CSMD1: variants seen among roughly 807,000 people sequenced by gnomAD.
The protein encoded by CSMD1 is CUB and Sushi multiple domains 1.
A neutral mutation model predicts 417.5 loss-of-function variants in CSMD1; 213 were observed. The observed-to-expected ratio is 0.51, with a 90% CI of 0.46 to 0.57. The LOEUF is 0.57. Among genes scored for constraint, CSMD1 ranks in the 20% least tolerant of loss-of-function variants. The pLI is 0.00. For missense variants in CSMD1, 6,923 were observed against 4,529.7 expected, an observed-to-expected ratio of 1.53 and a Z score of -15.17; for synonymous variants, 2,862 against 1,736.8, an observed-to-expected ratio of 1.65 and a Z score of -16.11.
chr8:4,009,213 G>A (rs1362037157), intron 4 of CSMD1, among the ~76,000 whole-genome samples: 1 of 152,156 alleles, frequency 6.6e-6, no homozygotes, highest in Non-Finnish European at 1.5e-5. Flanking sequence ...CTAAATGTAA[G>A]TGCAAATCAG....
rs896814495 is a variant in CSMD1, at chr8:4,563,774, C to A, written c.302+73568G>T. ...ACATGACTAGACCATCGGTGCAAGC[C>A]CTGTCCTAAATGTTTCTGTCCCCAA... On this transcript the variant is annotated intron_variant, in intron 2 of 69. Transcript: ENST00000635120. Among the ~76,000 whole-genome samples, 5 of 152,046 alleles carry A rather than the reference C, an allele frequency of 3.3e-5. No homozygotes were observed. The East Asian group carries it at 7.7e-4, about 23-fold the overall frequency.
intron 41 of CSMD1, among the ~76,000 whole-genome samples, 173 bp from the exon 42 acceptor site, chr8:3,118,760 T>A (rs1817015750): frequency 6.6e-6 from 1 of 152,184 alleles, no homozygotes; most frequent in Non-Finnish European, 1.5e-5. Context: ...TTATTATTAG[T>A]AGTAGTAGAA....
intron 2 of CSMD1, among the ~76,000 whole-genome samples, chr8:4,559,317 G>C (rs17416228): frequency 0.12 from 18,594 of 152,100 alleles, 1,229 homozygotes; most frequent in Non-Finnish European, 0.15. Context: ...TGGAATTACA[G>C]ATGATTTAAT....
intron 12 of CSMD1, among the ~76,000 whole-genome samples, chr8:3,466,348 G>A (rs982684838): frequency 5.3e-5 from 8 of 151,968 alleles, no homozygotes; most frequent in Admixed American, 5.3e-4. Flanking sequence ...TGAAAATCAG[G>A]CAACATCAAA....
chr8:2,983,462 A>C (rs940078630), intron 54 of CSMD1, among the ~76,000 whole-genome samples: 1 of 152,216 alleles, frequency 6.6e-6, no homozygotes, highest in Non-Finnish European at 1.5e-5. Context: ...CCGGGATTGC[A>C]GGTGTGAGCC....
At chr8:3,445,679 G>A (rs1308628897) in intron 12 of CSMD1, among the ~76,000 whole-genome samples, 1 of 152,062 alleles carries the variant, frequency 6.6e-6, no homozygotes, top group Non-Finnish European at 1.5e-5. Flanking sequence ...GGAACTAGAG[G>A]GGACGAGAGG....
At chr8:3,880,489 T>C (rs2129120304) in intron 5 of CSMD1, among the ~76,000 whole-genome samples, 1 of 152,294 alleles carries the variant, frequency 6.6e-6, no homozygotes, top group South Asian at 2.1e-4. Context: ...TTTATTTCCT[T>C]AGAGTTATAA....
intron 7 of CSMD1, among the ~76,000 whole-genome samples, chr8:3,684,088 T>A (rs1799807908): frequency 1.4e-5 from 2 of 147,398 alleles, no homozygotes; most frequent in South Asian, 4.2e-4. Context: ...AAAGCAACTT[T>A]AAATGTATAG....
At chr8:4,666,818 C>T (rs971005601) in intron 1 of CSMD1, among the ~76,000 whole-genome samples, 7 of 151,922 alleles carry the variant, frequency 4.6e-5, no homozygotes, top group South Asian at 2.1e-4. Context: ...ATTTTCTTAA[C>T]GGTGTGTTTT....
Position 4,764,872 on chromosome 8 carries a change from C to CAAAAAA in CSMD1, c.86-127320_86-127315dup, listed in dbSNP as rs1194894751. Among the ~76,000 whole-genome samples the CAAAAAA allele has an allele frequency of 2.0e-3, 99 of 50,762 alleles. 1 individual carries two copies. The highest frequency in any genetic ancestry group is 3.9e-3 in the African/African-American group (48 of 12,164). The allele number at this position is 50,762 out of a possible 152,430, so 33.3% of individuals were successfully genotyped here. On this transcript the variant is annotated intron_variant, in intron 1 of 69. Transcript: ENST00000635120. Reference sequence around the variant, plus strand: ...TGGGCGACAGAGCGAGACTCCATCTCAAAAAAAAAAAAAAAAAAAAAACAA... The same window carrying CAAAAAA: ...TGGGCGACAGAGCGAGACTCCATCTCAAAAAAAAAAAAAAAAAAAAAAAAAAAACAA...
At chr8:3,960,559 C>A (rs1268031544) in intron 5 of CSMD1, among the ~76,000 whole-genome samples, 1 of 151,920 alleles carries the variant, frequency 6.6e-6, no homozygotes, top group Non-Finnish European at 1.5e-5. Flanking sequence ...CATTTTTAGT[C>A]TTGAGGATTT....
chr8:3,991,955 T>C (rs2130289311), intron 5 of CSMD1, among the ~76,000 whole-genome samples: 1 of 151,802 alleles, frequency 6.6e-6, no homozygotes, highest in African/African-American at 2.4e-5. Context: ...AAACACTCGG[T>C]GATTATTAAA....
intron 3 of CSMD1, among the ~76,000 whole-genome samples, chr8:4,311,591 T>C (rs754672689): frequency 6.6e-6 from 1 of 151,848 alleles, no homozygotes; most frequent in Non-Finnish European, 1.5e-5. Flanking sequence ...GGTGTGGTTG[T>C]GGGCGCCTGT....
intron 2 of CSMD1, among the ~76,000 whole-genome samples, chr8:4,486,162 CATATAT>C (rs202146584): frequency 2.1e-5 from 1 of 48,694 alleles, no homozygotes; most frequent in African/African-American, 5.4e-5. Flanking sequence ...TATATACATA[CATATAT>C]ATATATACAT....
At position 4,042,094 on chromosome 8, in the gene CSMD1, G is replaced by C. The variant is rs528134465; in HGVS notation, c.416-9995C>G. 2.0e-3 allele frequency among the ~76,000 whole-genome samples: 304 copies of C among 152,138 alleles called. 1 individual carries two copies. Among genetic ancestry groups the C allele is most frequent in the African/African-American group, 7.0e-3 (292 of 41,536 alleles). Reference sequence around the variant, plus strand: ...ACTCACTGAAGGCAGGGAACACAAAGAGGGACAGAAAAAAAGAAGAAAAGG... The same window carrying C: ...ACTCACTGAAGGCAGGGAACACAAACAGGGACAGAAAAAAAGAAGAAAAGG... On this transcript the variant is annotated intron_variant, in intron 3 of 69. Coordinates refer to ENST00000635120, the MANE Select transcript of CSMD1 (RefSeq NM_033225.6).
chr8:4,854,963 G>A (rs1353715164), intron 1 of CSMD1, among the ~76,000 whole-genome samples: 1 of 152,190 alleles, frequency 6.6e-6, no homozygotes, highest in African/African-American at 2.4e-5. Context: ...TGGGGGCAGG[G>A]CACAGACAAA....
intron 31 of CSMD1, among the ~76,000 whole-genome samples, chr8:3,202,653 G>C (rs1381231552): frequency 6.6e-6 from 1 of 152,176 alleles, no homozygotes; most frequent in Admixed American, 6.5e-5. Context: ...TTATAAACAA[G>C]AAATGGAGGT....
chr8:3,249,696 AAAAG>A (rs1434929989), intron 26 of CSMD1, among the ~76,000 whole-genome samples: 2 of 152,260 alleles, frequency 1.3e-5, no homozygotes, highest in Admixed American at 6.5e-5. Context: ...TTTTGAGTGA[AAAAG>A]AAATAATAGA....
At chr8:4,295,452 T>C (rs1051367160) in intron 3 of CSMD1, among the ~76,000 whole-genome samples, 1 of 144,464 alleles carries the variant, frequency 6.9e-6, no homozygotes, top group African/African-American at 2.5e-5. Flanking sequence ...AATCTTATTA[T>C]ACACATATAA....
Sources: allele counts gnomAD v4.1 joint callset (sites outside exome capture counted in the v4.1 genomes callset), GRCh38; gene constraint gnomAD v4.1.1; transcripts MANE v1.5; gene names NCBI Gene and HGNC (gene_info 2026-07-23, HGNC 2026-07-21).